The following SNAP47 variants were observed in gnomAD, a reference collection of about 807,000 sequenced individuals.
SNAP47 encodes the protein synaptosomal-associated protein 47.
Under a neutral mutation model 31.4 loss-of-function variants are expected in SNAP47, and 20 were observed. The observed-to-expected ratio is 0.64, with a 90% confidence interval of 0.45 to 0.93. The LOEUF is 0.93. Among genes scored for constraint, SNAP47 ranks in the 40% least tolerant of loss-of-function variants. The pLI is 0.00. For missense variants in SNAP47, 492 were observed against 528.5 expected (o/e 0.93, Z 0.68); for synonymous variants, 194 against 213.4 (o/e 0.91, Z 0.79).
upstream of SNAP47, chr1:227,733,831 TCCTGCCA>T: frequency 6.3e-7 from 1 of 1,597,068 alleles, no homozygotes; most frequent in Non-Finnish European, 8.5e-7. Context: ...GCAGCCCCCC[TCCTGCCA>T]CCCTGGGCCT....
At chr1:227,759,518 C>T (rs781105920) in intron 3 of SNAP47, 33 bp downstream of exon 3, 102 of 1,597,748 alleles carry the variant, frequency 6.4e-5, no homozygotes, top group Non-Finnish European at 8.6e-5. Context: ...AGCGCGTGCA[C>T]AGACTTCTAA....
At chr1:227,732,297 C>T (rs1455076737), upstream of SNAP47, 3 of 1,438,896 alleles carry the variant, frequency 2.1e-6, no homozygotes, top group African/African-American at 2.8e-5. Context: ...AGGGGTGGGC[C>T]CCAGGTCACA....
At chr1:227,750,855 C>G (rs1450355333) in intron 2 of SNAP47, among the ~76,000 whole-genome samples, 1 of 152,218 alleles carries the variant, frequency 6.6e-6, no homozygotes, top group Non-Finnish European at 1.5e-5. Flanking sequence ...AGCCGAGTTT[C>G]TGTGTGGCCA....
chr1:227,768,279 T>TTCCA, intron 4 of SNAP47: 15 of 985,466 alleles, frequency 1.5e-5, no homozygotes, highest in Non-Finnish European at 1.8e-5. Flanking sequence ...AGCTGTCTGT[T>TTCCA]GGGCTGAGAC....
At chr1:227,730,545 C>T (rs1385556276), upstream of SNAP47, 1 of 152,178 alleles carries the variant, frequency 6.6e-6, no homozygotes, top group Non-Finnish European at 1.5e-5. Flanking sequence ...TATCTCCCCC[C>T]ACAGAGCTTC....
At chr1:227,728,219 G>C (rs529865770), upstream of SNAP47, among the ~76,000 whole-genome samples, 6 of 152,302 alleles carry the variant, frequency 3.9e-5, no homozygotes, top group East Asian at 1.2e-3. Context: ...TCCCAGGCTC[G>C]CCTCATTGCT....
chr1:227,752,906 A>G (rs1396204492), intron 2 of SNAP47, among the ~76,000 whole-genome samples: 1 of 152,168 alleles, frequency 6.6e-6, no homozygotes, highest in Non-Finnish European at 1.5e-5. Context: ...CCATCAGCCT[A>G]TTCTTAGGCT....
At chr1:227,775,033 T>C (rs886662499) in intron 4 of SNAP47, among the ~76,000 whole-genome samples, 1 of 152,140 alleles carries the variant, frequency 6.6e-6, no homozygotes, top group East Asian at 1.9e-4. Context: ...GCCGTGCTCA[T>C]TGCCTCGACC....
In SNAP47 at chr1:227,780,511, T is replaced by C. The variant is rs762017557; in HGVS notation, c.1114-16T>C. On this transcript the variant is annotated splice_polypyrimidine_tract_variant and intron_variant, in intron 4 of 4. Coordinates refer to ENST00000617596, the MANE Select transcript of SNAP47 (RefSeq NM_053052.4). ...AGAGATGGCAGCCTCTGCTGTGATC[T>C]TGTGCTTCTCCCCAGATCCTGAGGA... 1.2e-6 allele frequency: 2 copies of C among 1,613,654 alleles called. No homozygotes were observed. Among genetic ancestry groups the C allele is most frequent in the South Asian group, 2.2e-5 (2 of 91,078 alleles).
rs777168406 is a variant in SNAP47, at chr1:227,748,226, G to A, written c.490G>A (p.Ala164Thr). 3.2e-6 allele frequency: 5 copies of A among 1,579,428 alleles called. No individual in the cohort carries two copies. The highest frequency in any genetic ancestry group is 3.6e-5 in the Admixed American group (2 of 55,588). Residue 164 changes from alanine (A) to threonine (T), a missense_variant, in exon 2 of 5, where the codon GCG becomes ACG. Transcript: ENST00000617596. ...LDKMESDLEV[A>T]DRLLTELESP... ...CAAGATGGAGTCAGACCTGGAGGTG[G>A]CGGACAGGTGGGCTTGCTGTGTACA... is the stretch of plus-strand genomic sequence containing the variant.
chr1:227,767,868 T>C (rs1431395228), intron 4 of SNAP47, among the ~76,000 whole-genome samples: 1 of 152,228 alleles, frequency 6.6e-6, no homozygotes, highest in Admixed American at 6.5e-5. Flanking sequence ...TCAGCCCTCA[T>C]GTGCTGAGCA....
At chr1:227,736,681 TTTTTG>T (rs1661211312) in intron 1 of SNAP47, among the ~76,000 whole-genome samples, 3 of 138,696 alleles carry the variant, frequency 2.2e-5, no homozygotes, top group African/African-American at 8.8e-5. Flanking sequence ...TGTTTTTTTG[TTTTTG>T]TTTTTTTTTT....
intron 2 of SNAP47, among the ~76,000 whole-genome samples, chr1:227,751,921 G>A (rs1023167347): frequency 3.3e-5 from 5 of 151,848 alleles, no homozygotes; most frequent in Non-Finnish European, 5.9e-5. Flanking sequence ...CCGCTACCGC[G>A]CCTGGCTAAT....
chr1:227,748,184 G>C lies in SNAP47; in HGVS notation c.448G>C (p.Val150Leu). 1 of 1,609,676 alleles carries C rather than the reference G, an allele frequency of 6.2e-7. No homozygotes were observed. The highest frequency in any genetic ancestry group is 8.5e-7 in the Non-Finnish European group (1 of 1,178,078). The change falls in exon 2 of 5, where the codon GTC (valine) becomes CTC (leucine). Residue 150 changes from valine (V) to leucine (L), a missense_variant. Coordinates refer to ENST00000617596, the MANE Select transcript of SNAP47 (RefSeq NM_053052.4). ...LHHQGQQLDS[V>L]MRGLDKMESD... ...CCACCAGGGCCAGCAGCTGGACAGC[G>C]TCATGAGAGGCCTGGACAAGATGGA...
upstream of SNAP47, chr1:227,732,788 G>T: frequency 1.9e-6 from 3 of 1,591,294 alleles, no homozygotes; most frequent in Non-Finnish European, 2.6e-6. Context: ...TAAGACAGAG[G>T]CACTGAGAAG....
intron 1 of SNAP47, among the ~76,000 whole-genome samples, chr1:227,742,753 G>A (rs1395489274): frequency 2.0e-5 from 3 of 152,238 alleles, no homozygotes; most frequent in African/African-American, 7.2e-5. Flanking sequence ...GCAACTCCAG[G>A]GCTGAGCAGG....
intron 4 of SNAP47, among the ~76,000 whole-genome samples, chr1:227,768,641 A>G (rs1204946333): frequency 1.3e-5 from 2 of 152,218 alleles, no homozygotes; most frequent in African/African-American, 4.8e-5. Context: ...TGGTAATGGC[A>G]CACACAGCAC....
chr1:227,747,882 C>T lies in SNAP47; in HGVS notation c.146C>T (p.Pro49Leu). The change falls in exon 2 of 5, where the codon CCC becomes CTC. Residue 49 changes from proline to leucine, a missense_variant. Transcript: ENST00000617596. ...DSTGEILVSF[P>L]LSSIVEIKKE... is the part of the protein sequence containing the mutation. ...ACTGGAGAGATTCTGGTCAGCTTCCCCCTCTCCAGCATAGTTGAGATCAAG... is the reference window on the plus strand; with the variant it reads ...ACTGGAGAGATTCTGGTCAGCTTCCTCCTCTCCAGCATAGTTGAGATCAAG... The T allele has an allele frequency of 1.2e-6, 2 of 1,614,190 alleles. No individual in the cohort carries two copies. The highest frequency in any genetic ancestry group is 1.7e-5 in the Admixed American group (1 of 60,026).
At chr1:227,768,471 T>C (rs1663579614) in intron 4 of SNAP47, 2 of 290,958 alleles carry the variant, frequency 6.9e-6, no homozygotes, top group Non-Finnish European at 1.0e-5. Context: ...CTGTCTCTTA[T>C]GCCTGTTTTT....
Sources: allele counts gnomAD v4.1 joint callset (sites outside exome capture counted in the v4.1 genomes callset), GRCh38; gene constraint gnomAD v4.1.1; transcripts MANE v1.5; gene names NCBI Gene and HGNC (gene_info 2026-07-23, HGNC 2026-07-21).